The following LRAT variants were observed in gnomAD, a reference collection of about 807,000 sequenced individuals.
The protein encoded by LRAT is lecithin retinol acyltransferase (phosphatidylcholine--retinol O-acyltransferase).
In LRAT, 11 loss-of-function variants were observed where a neutral mutation model predicts 14.2. That is an observed-to-expected ratio of 0.78 (90% CI 0.49 to 1.29). The LOEUF (loss-of-function observed/expected upper bound fraction) is 1.29. Among genes scored for constraint, LRAT ranks in the 50% most tolerant of loss-of-function variants. The probability of loss-of-function intolerance (pLI) is 0.00; values close to 1 mark genes in which losing one functional copy is unlikely to be tolerated. For missense variants in LRAT, 274 were observed against 292.4 expected, an observed-to-expected ratio of 0.94 and a Z score of 0.46; for synonymous variants, 144 against 124.8, an observed-to-expected ratio of 1.15 and a Z score of -1.03.
intron 2 of LRAT, among the ~76,000 whole-genome samples, chr4:154,746,201 C>T (rs1377924008): frequency 6.6e-6 from 1 of 152,130 alleles, no homozygotes. Context: ...ATAATGGAAA[C>T]CTGGGCAATA....
rs577335043 is a variant in LRAT at position 154,750,718 on chromosome 4, C to T, written c.*1582C>T. ...CATAGAATATAGGTGTTCTCTGGACCTATTCTAACCACTTAAAATTATCTT... is the reference window on the plus strand; with the variant it reads ...CATAGAATATAGGTGTTCTCTGGACTTATTCTAACCACTTAAAATTATCTT... On this transcript the variant is annotated 3_prime_UTR_variant, in exon 3 of 3. Coordinates refer to ENST00000336356, the MANE Select transcript of LRAT (RefSeq NM_004744.5). The T allele has an allele frequency of 3.3e-5, 5 of 151,980 alleles. No homozygotes were observed. Among genetic ancestry groups the T allele is most frequent in the African/African-American group, 1.2e-4 (5 of 41,456 alleles). 9.4% of individuals were successfully genotyped at this position (151,980 alleles called of 1,614,324 possible).
intron 2 of LRAT, chr4:154,748,210 C>T (rs941212191): frequency 1.7e-5 from 17 of 984,884 alleles, no homozygotes; most frequent in Non-Finnish European, 2.0e-5. Flanking sequence ...ATACAGAGGA[C>T]TTGTGCATCA....
chr4:154,741,635 C>G (rs1732769669), upstream of LRAT, among the ~76,000 whole-genome samples: 2 of 152,104 alleles, frequency 1.3e-5, no homozygotes, highest in Non-Finnish European at 2.9e-5. Context: ...AGCCCTTTCC[C>G]AAGAAGGCGG....
rs185552017 is a variant in LRAT at position 154,749,483 on chromosome 4, G to A, written c.*347G>A. On this transcript the variant is annotated 3_prime_UTR_variant, in exon 3 of 3. Coordinates refer to ENST00000336356, the MANE Select transcript of LRAT (RefSeq NM_004744.5). ...ATCCTTGTACTGTTCGGCTGAATTT[G>A]AAGATTGGAAGACTTATATTGAGAC... is the stretch of plus-strand genomic sequence containing the variant. 5.1e-6 allele frequency: 1 copy of A among 195,740 alleles called. No homozygotes were observed. Among genetic ancestry groups the A allele is most frequent in the East Asian group, 1.3e-4 (1 of 7,592 alleles). 12.1% of individuals were successfully genotyped at this position (195,740 alleles called of 1,614,324 possible). A position where few individuals can be genotyped will look rare whatever the true frequency, so the allele number is the denominator to read the frequency against.
upstream of LRAT, among the ~76,000 whole-genome samples, chr4:154,741,694 A>C (rs1268771975): frequency 6.6e-6 from 1 of 152,206 alleles, no homozygotes; most frequent in Non-Finnish European, 1.5e-5. Context: ...AACGCAAATC[A>C]GCTTGGCACT....
At chr4:154,745,100 A>G (rs1578860908) in intron 2 of LRAT, among the ~76,000 whole-genome samples, 1 of 135,800 alleles carries the variant, frequency 7.4e-6, no homozygotes, top group Admixed American at 8.2e-5. Context: ...CTCACTGCAA[A>G]CTCCGCCTCC....
At chr4:154,741,291 C>A (rs1209523439), upstream of LRAT, among the ~76,000 whole-genome samples, 4 of 152,146 alleles carry the variant, frequency 2.6e-5, no homozygotes, top group African/African-American at 4.8e-5. Flanking sequence ...CTAACCGCTT[C>A]CCGCATAAGA....
chr4:154,748,039 A>G, intron 2 of LRAT: 1 of 175,928 alleles, frequency 5.7e-6, no homozygotes, highest in Non-Finnish European at 1.1e-5. Context: ...CCATGTCTAG[A>G]AACAGAGCTT....
upstream of LRAT, among the ~76,000 whole-genome samples, chr4:154,741,356 G>A (rs569511981): frequency 6.6e-6 from 1 of 152,102 alleles, no homozygotes; most frequent in South Asian, 2.1e-4. Flanking sequence ...TGCCTCCTTC[G>A]GGCTGTCGCT....
In LRAT at chr4:154,744,685, C is replaced by G. The variant is rs537325942; in HGVS notation, c.359C>G (p.Ala120Gly). The change falls in exon 2 of 3, where the codon GCT (alanine) becomes GGT (glycine). Residue 120 changes from alanine (A) to glycine (G), a missense_variant. Ala to Gly is a moderately conservative substitution (Grantham distance 60). Coordinates refer to ENST00000336356, the MANE Select transcript of LRAT (RefSeq NM_004744.5). ...VDTVEDFAYG[A>G]NILVNHLDES... ...ACAGTGGAGGACTTCGCCTACGGAGCTAACATCCTGGTCAATCACCTGGAC... is the reference window on the plus strand; with the variant it reads ...ACAGTGGAGGACTTCGCCTACGGAGGTAACATCCTGGTCAATCACCTGGAC... 5.0e-6 allele frequency: 8 copies of G among 1,614,224 alleles called. No homozygotes were observed. The African/African-American group carries it at 1.1e-4, about 22-fold the overall frequency.
chr4:154,751,878 T>G lies in LRAT; in HGVS notation c.*2742T>G, dbSNP rs1466635080. 1 of 152,172 alleles carries G rather than the reference T, an allele frequency of 6.6e-6. No homozygotes were observed. The highest frequency in any genetic ancestry group is 1.9e-4 in the East Asian group (1 of 5,198). The allele number at this position is 152,172 out of a possible 1,614,324, so 9.4% of individuals were successfully genotyped here. On this transcript the variant is annotated 3_prime_UTR_variant, in exon 3 of 3. Coordinates refer to ENST00000336356, the MANE Select transcript of LRAT (RefSeq NM_004744.5). ...TGCTCCTGCAAGTTTCTTATATTTA[T>G]GTATTTCTATTCTGATTTCTGAAAT...
intron 2 of LRAT, among the ~76,000 whole-genome samples, 198 bp downstream of exon 2, chr4:154,745,064 G>T (rs1454288711): frequency 7.9e-6 from 1 of 127,298 alleles, no homozygotes; most frequent in Admixed American, 9.5e-5. Context: ...TGTTGCTCAG[G>T]CTGGAGTGCA....
chr4:154,744,023 C>T lies in LRAT; in HGVS notation c.-201C>T. ...CCGAGCACCGCGCGCGGCCCTGCCC[C>T]CGGCACGGCCCCCAGGTGCGCTCCT... is the stretch of plus-strand genomic sequence containing the variant. On this transcript the variant is annotated 5_prime_UTR_variant, in exon 1 of 3. Transcript: ENST00000336356. The T allele has an allele frequency of 2.3e-6, 1 of 440,112 alleles. No homozygotes were observed. The highest frequency in any genetic ancestry group is 4.2e-6 in the Non-Finnish European group (1 of 238,552). The allele number at this position is 440,112 out of a possible 1,614,324, so 27.3% of individuals were successfully genotyped here. A position where few individuals can be genotyped will look rare whatever the true frequency, so the allele number is the denominator to read the frequency against.
Position 154,744,152 on chromosome 4 carries a change from C to A in LRAT, c.-72C>A. On this transcript the variant is annotated 5_prime_UTR_variant, in exon 1 of 3. Coordinates refer to ENST00000336356, the MANE Select transcript of LRAT (RefSeq NM_004744.5). ...GGCTTGGCTGAGCCGGTCGCCAGGC[C>A]TCGCTGTCCTCCTTTGCCTTCCTCT... 1.5e-6 allele frequency: 1 copy of A among 657,148 alleles called. No individual in the cohort carries two copies. The highest frequency in any genetic ancestry group is 2.6e-6 in the Non-Finnish European group (1 of 377,574). 40.7% of individuals were successfully genotyped at this position (657,148 alleles called of 1,614,324 possible).
In LRAT at chr4:154,747,881, T is replaced by G. The variant is rs550748726; in HGVS notation, c.541-1103T>G. Among the ~76,000 whole-genome samples the G allele has an allele frequency of 7.2e-4, 110 of 152,142 alleles. 2 individuals are homozygous for G. Among genetic ancestry groups the G allele is most frequent in the Non-Finnish European group, 2.5e-4 (17 of 68,000 alleles). On this transcript the variant is annotated intron_variant, in intron 2 of 2. Transcript: ENST00000336356. ...AGTTTCACACTTGTTTAGGTAATTG[T>G]GTAAAAGTATGGATAGAGATAACCA...
intron 2 of LRAT, among the ~76,000 whole-genome samples, chr4:154,745,187 T>G (rs1578860997): frequency 1.3e-5 from 2 of 151,362 alleles, no homozygotes; most frequent in African/African-American, 4.9e-5. Context: ...CCCGGCTAAT[T>G]TATTTTTGTA....
At chr4:154,743,128 C>CCAA (rs1553972125), upstream of LRAT, among the ~76,000 whole-genome samples, 50 of 94,204 alleles carry the variant, frequency 5.3e-4, 1 homozygote, top group African/African-American at 2.8e-3. Context: ...CCCCCCAACC[C>CCAA]CCCCCCCCCC....
rs1732992800 is a variant in LRAT at position 154,751,595 on chromosome 4, G to GT, written c.*2460dup. The GT allele has an allele frequency of 6.6e-6, 1 of 152,148 alleles. No homozygotes were observed. Among genetic ancestry groups the GT allele is most frequent in the Admixed American group, 6.6e-5 (1 of 15,244 alleles). The allele number at this position is 152,148 out of a possible 1,614,324, so 9.4% of individuals were successfully genotyped here. ...ACTAAAAATACAAAATTAGCTGGGC[G>GT]TGGTGGCCGGCGCCTGTAGTCCCAG... On this transcript the variant is annotated 3_prime_UTR_variant, in exon 3 of 3. Transcript: ENST00000336356.
chr4:154,752,577 T>C lies in LRAT; in HGVS notation c.*3441T>C, dbSNP rs1290114198. ...CATTTTAAAGGACTAGCTAAGATGC[T>C]CAATCTCTAAAAAAAAAAGGATCTG... On this transcript the variant is annotated 3_prime_UTR_variant, in exon 3 of 3. Coordinates refer to ENST00000336356, the MANE Select transcript of LRAT (RefSeq NM_004744.5). 1 of 151,978 alleles carries C rather than the reference T, an allele frequency of 6.6e-6. No individual in the cohort carries two copies. Among genetic ancestry groups the C allele is most frequent in the Non-Finnish European group, 1.5e-5 (1 of 67,990 alleles). 9.4% of individuals were successfully genotyped at this position (151,978 alleles called of 1,614,324 possible).
Sources: allele counts gnomAD v4.1 joint callset (sites outside exome capture counted in the v4.1 genomes callset), GRCh38; gene constraint gnomAD v4.1.1; transcripts MANE v1.5; gene names NCBI Gene and HGNC (gene_info 2026-07-23, HGNC 2026-07-21).